PAXIP1: variants seen among roughly 807,000 people sequenced by gnomAD.
The protein encoded by PAXIP1 is PAX-interacting protein 1.
A neutral mutation model predicts 140.6 loss-of-function variants in PAXIP1; 19 were observed. The observed-to-expected ratio is 0.14, with a 90% CI of 0.09 to 0.20. PAXIP1 has a LOEUF of 0.20. Ranked by LOEUF, PAXIP1 falls within the 10% of genes least tolerant of loss-of-function variation. PAXIP1 has a pLI of 1.00. For synonymous variants in PAXIP1, 442 were observed against 444.6 expected, an observed-to-expected ratio of 0.99 and a Z score of 0.07; for missense variants, 920 against 1,208.6, an observed-to-expected ratio of 0.76 and a Z score of 3.54.
Position 154,943,993 on chromosome 7 carries a change from G to A in PAXIP1, c.*156C>T, listed in dbSNP as rs1271273233. On this transcript the variant is annotated 3_prime_UTR_variant, in exon 21 of 21. Transcript: ENST00000404141. ...AAATTGCACATCTTAAAAAGATGCA[G>A]TATATTTATTATATCTGTCTTCCTG... is the stretch of plus-strand genomic sequence containing the variant. 2.2e-5 allele frequency: 16 copies of A among 711,666 alleles called. No homozygotes were observed. The highest frequency in any genetic ancestry group is 6.1e-5 in the South Asian group (4 of 65,910). 44.1% of individuals were successfully genotyped at this position (711,666 alleles called of 1,614,324 possible). A position where few individuals can be genotyped will look rare whatever the true frequency, so the allele number is the denominator to read the frequency against.
chr7:154,947,687 T>C, intron 17 of PAXIP1: 1 of 489,852 alleles, frequency 2.0e-6, no homozygotes, highest in East Asian at 3.1e-5. Context: ...TTTTTAAACA[T>C]TATAGTAAAG....
At chr7:154,944,286 T>C in intron 20 of PAXIP1, 122 bp from the exon 21 acceptor site, 1 of 829,116 alleles carries the variant, frequency 1.2e-6, no homozygotes, top group African/African-American at 1.7e-5. Context: ...AGCCTCTTTC[T>C]TACCCATTCA....
chr7:154,999,092 C>T (rs896949126), intron 1 of PAXIP1, among the ~76,000 whole-genome samples: 1 of 152,226 alleles, frequency 6.6e-6, no homozygotes, highest in Non-Finnish European at 1.5e-5. Flanking sequence ...AGCACAACCA[C>T]TGCTGCGGTG....
intron 13 of PAXIP1, among the ~76,000 whole-genome samples, chr7:154,958,538 T>C (rs1044825877): frequency 6.6e-6 from 1 of 152,210 alleles, no homozygotes; most frequent in African/African-American, 2.4e-5. Context: ...TTTATAATAA[T>C]TTGCAGGAAA....
chr7:154,962,950 C>T (rs1808825448), intron 9 of PAXIP1, among the ~76,000 whole-genome samples: 2 of 152,110 alleles, frequency 1.3e-5, no homozygotes. Context: ...TATATATAAT[C>T]TGTCTACAAT....
At chr7:154,957,973 C>CAAAA (rs35027196) in intron 13 of PAXIP1, among the ~76,000 whole-genome samples, 9 of 91,624 alleles carry the variant, frequency 9.8e-5, no homozygotes, top group Middle Eastern at 6.3e-3. Context: ...GACTCCGTCT[C>CAAAA]AAAAAAAAAA....
At chr7:154,992,308 G>T (rs1007181834) in intron 3 of PAXIP1, among the ~76,000 whole-genome samples, 1 of 152,198 alleles carries the variant, frequency 6.6e-6, no homozygotes, top group Non-Finnish European at 1.5e-5. Context: ...CAGCACTTTG[G>T]GAGGCCGAGG....
At chr7:154,985,741 C>G (rs557355234) in intron 4 of PAXIP1, among the ~76,000 whole-genome samples, 2 of 152,260 alleles carry the variant, frequency 1.3e-5, no homozygotes, top group South Asian at 4.1e-4. Context: ...CTCACCACCC[C>G]CAATAAGACA....
chr7:154,978,017 G>T (rs1423079516), intron 5 of PAXIP1, among the ~76,000 whole-genome samples: 1 of 152,196 alleles, frequency 6.6e-6, no homozygotes, highest in African/African-American at 2.4e-5. Context: ...TAAATCCCTT[G>T]TATCTGTCAC....
At chr7:154,990,215 A>G (rs1810265667) in intron 4 of PAXIP1, among the ~76,000 whole-genome samples, 2 of 151,704 alleles carry the variant, frequency 1.3e-5, no homozygotes. Context: ...CTAATTTTGT[A>G]TTTTTAGTAG....
intron 12 of PAXIP1, among the ~76,000 whole-genome samples, chr7:154,960,420 G>A (rs1288339007): frequency 6.6e-6 from 1 of 152,210 alleles, no homozygotes; most frequent in African/African-American, 2.4e-5. Flanking sequence ...GGAATGTTCT[G>A]TAGGGTAGGG....
Position 154,998,901 on chromosome 7 carries a change from C to T in PAXIP1, c.82-117G>A, listed in dbSNP as rs367839926. On this transcript the variant is annotated intron_variant, in intron 1 of 20. Transcript: ENST00000404141. ...TTTTAATAAAAACACACCATATTCC[C>T]CACATAAAAACTAACAGCCTTTTAC... The T allele has an allele frequency of 1.8e-4, 154 of 868,820 alleles. No individual in the cohort carries two copies. In the African/African-American group the frequency reaches 2.0e-3, roughly 11 times the overall value. 53.8% of individuals were successfully genotyped at this position (868,820 alleles called of 1,614,324 possible). A position where few individuals can be genotyped will look rare whatever the true frequency, so the allele number is the denominator to read the frequency against.
chr7:154,988,388 T>G (rs1810169459), intron 4 of PAXIP1, among the ~76,000 whole-genome samples: 1 of 152,232 alleles, frequency 6.6e-6, no homozygotes, highest in African/African-American at 2.4e-5. Flanking sequence ...GGCCCCTGAG[T>G]GGTCATATAT....
chr7:154,990,917 A>C (rs2150781753), intron 4 of PAXIP1, 89 bp downstream of exon 4: 2 of 704,618 alleles, frequency 2.8e-6, no homozygotes, highest in South Asian at 3.9e-5. Flanking sequence ...AGCTTCTCTA[A>C]AACTGGTTAA....
At chr7:155,002,064 A>G (rs1000577897) in intron 1 of PAXIP1, 5 of 152,274 alleles carry the variant, frequency 3.3e-5, no homozygotes, top group African/African-American at 7.2e-5. Context: ...ATTAACCTGA[A>G]GAGGATATTC....
At position 154,957,215 on chromosome 7, in the gene PAXIP1, T is replaced by A; in HGVS notation, c.2549+9A>T. The A allele has an allele frequency of 6.4e-7, 1 of 1,557,586 alleles. No homozygotes were observed. The highest frequency in any genetic ancestry group is 8.8e-7 in the Non-Finnish European group (1 of 1,135,574). On this transcript the variant is annotated intron_variant, in intron 14 of 20. Coordinates refer to ENST00000404141, the MANE Select transcript of PAXIP1 (RefSeq NM_007349.4). The stretch of plus-strand genomic sequence containing the variant: ...CCAGCAATGAAAAATTTAAGGTTAT[T>A]ACTCATACCTGGCTCTTTTGGAAGA...
intron 2 of PAXIP1, among the ~76,000 whole-genome samples, chr7:154,997,563 G>A (rs306277): frequency 0.58 from 88,521 of 152,102 alleles, 25,973 homozygotes; most frequent in Admixed American, 0.69. Flanking sequence ...TACTTCATAG[G>A]GAAGATCTGA....
intron 16 of PAXIP1, chr7:154,951,931 T>C (rs1808287952): frequency 6.6e-6 from 1 of 152,168 alleles, no homozygotes; most frequent in African/African-American, 2.4e-5. Context: ...ACAGACCCGC[T>C]TTCCCCACCA....
chr7:154,968,191 C>A (rs2150756809), intron 7 of PAXIP1, among the ~76,000 whole-genome samples: 1 of 152,182 alleles, frequency 6.6e-6, no homozygotes, highest in East Asian at 1.9e-4. Context: ...TACGGGACAC[C>A]AATATTCACT....
Sources: gnomAD v4.1 joint callset for allele counts (sites outside exome capture counted in the v4.1 genomes callset) on GRCh38, gnomAD v4.1.1 for gene constraint, MANE v1.5 for transcripts, NCBI Gene and HGNC (gene_info 2026-07-23, HGNC 2026-07-21) for gene names.